Variants in CSMD1 observed in about 807,000 individuals in gnomAD.
The protein encoded by CSMD1 is CUB and Sushi multiple domains 1, also known as CUB and sushi domain-containing protein 1.
CSMD1 carries 213 observed loss-of-function variants against 417.5 expected under a neutral mutation model. The ratio of observed to expected loss-of-function variants is 0.51; its 90% confidence interval spans 0.46 to 0.57. CSMD1 has a LOEUF of 0.57. Among genes scored for constraint, CSMD1 ranks in the 20% least tolerant of loss-of-function variants. CSMD1 has a pLI of 0.00. For synonymous variants in CSMD1, 2,862 were observed against 1,736.8 expected (o/e 1.65, Z -16.11); for missense variants, 6,923 against 4,529.7 (o/e 1.53, Z -15.17).
intron 1 of CSMD1, among the ~76,000 whole-genome samples, chr8:4,891,399 G>A (rs1804113513): frequency 1.3e-5 from 2 of 152,200 alleles, no homozygotes; most frequent in Middle Eastern, 3.4e-3. Flanking sequence ...TGATCAGGTT[G>A]GTACATTGAG....
At chr8:4,154,988 A>C (rs1363487929) in intron 3 of CSMD1, among the ~76,000 whole-genome samples, 2 of 152,222 alleles carry the variant, frequency 1.3e-5, no homozygotes, top group Admixed American at 1.3e-4. Flanking sequence ...GCTACTCCAG[A>C]AACACGACTG....
At chr8:4,079,692 T>A (rs1302124473) in intron 3 of CSMD1, among the ~76,000 whole-genome samples, 1 of 152,366 alleles carries the variant, frequency 6.6e-6, no homozygotes. Flanking sequence ...ATTCCTGTAG[T>A]AAACTTGCTT....
chr8:4,182,085 C>G (rs1359348115), intron 3 of CSMD1, among the ~76,000 whole-genome samples: 1 of 150,826 alleles, frequency 6.6e-6, no homozygotes, highest in Non-Finnish European at 1.5e-5. Context: ...GTATTTAAAC[C>G]TACCTGAATA....
chr8:4,265,263 T>C lies in CSMD1; in HGVS notation c.415+154690A>G, dbSNP rs530261932. Among the ~76,000 whole-genome samples the C allele has an allele frequency of 1.6e-4, 25 of 152,210 alleles. No homozygotes were observed. The South Asian group carries it at 1.7e-3, about 10-fold the overall frequency. The stretch of plus-strand genomic sequence containing the variant: ...ATATTTTATGCTATATTTTATGGAA[T>C]AGCAAACAAGGATAATTACTAAAAA... On this transcript the variant is annotated intron_variant, in intron 3 of 69. Coordinates refer to ENST00000635120, the MANE Select transcript of CSMD1 (RefSeq NM_033225.6).
At chr8:3,830,418 G>C (rs1026571286) in intron 5 of CSMD1, among the ~76,000 whole-genome samples, 9 of 152,160 alleles carry the variant, frequency 5.9e-5, no homozygotes, top group African/African-American at 2.2e-4. Context: ...TGATACCCAG[G>C]TTCTAATTAT....
At chr8:4,001,567 T>C (rs533590085) in intron 4 of CSMD1, among the ~76,000 whole-genome samples, 41 of 152,332 alleles carry the variant, frequency 2.7e-4, no homozygotes, top group Middle Eastern at 3.4e-3. Context: ...TTTCCTTCTA[T>C]TTAAAATGCC....
At chr8:4,171,426 T>C (rs1229092068) in intron 3 of CSMD1, among the ~76,000 whole-genome samples, 2 of 152,074 alleles carry the variant, frequency 1.3e-5, no homozygotes, top group African/African-American at 4.8e-5. Context: ...TACTTTGTAA[T>C]ACAATCAATT....
intron 1 of CSMD1, among the ~76,000 whole-genome samples, chr8:4,695,377 G>T (rs995235183): frequency 6.6e-6 from 1 of 152,160 alleles, no homozygotes; most frequent in African/African-American, 2.4e-5. Flanking sequence ...GTTCACATGT[G>T]TTATTTACAC....
chr8:4,830,187 G>C (rs960375400), intron 1 of CSMD1, among the ~76,000 whole-genome samples: 1 of 152,114 alleles, frequency 6.6e-6, no homozygotes, highest in African/African-American at 2.4e-5. Flanking sequence ...TACAGCAATG[G>C]GATTGTGAAA....
intron 4 of CSMD1, among the ~76,000 whole-genome samples, chr8:4,031,173 C>G (rs574522320): frequency 2.0e-5 from 3 of 152,186 alleles, no homozygotes; most frequent in Non-Finnish European, 4.4e-5. Context: ...GCTTCCACAT[C>G]TTTTGGTATC....
intron 11 of CSMD1, among the ~76,000 whole-genome samples, chr8:3,486,845 C>T (rs1459081809): frequency 1.3e-5 from 2 of 152,192 alleles, no homozygotes; most frequent in Non-Finnish European, 2.9e-5. Context: ...GTTTGTTTAT[C>T]CCCCTACCAA....
At chr8:4,654,993 T>C (rs1042965393) in intron 1 of CSMD1, among the ~76,000 whole-genome samples, 7 of 151,566 alleles carry the variant, frequency 4.6e-5, no homozygotes, top group Non-Finnish European at 8.8e-5. Context: ...TAACTAACCA[T>C]TGTTTGAAAA....
chr8:3,591,698 G>C (rs1800853320), intron 8 of CSMD1, among the ~76,000 whole-genome samples: 4 of 152,056 alleles, frequency 2.6e-5, no homozygotes, highest in Admixed American at 2.0e-4. Context: ...ATAGATGATT[G>C]ATAGATAGAT....
intron 1 of CSMD1, among the ~76,000 whole-genome samples, chr8:4,832,875 C>G (rs1011877580): frequency 6.6e-6 from 1 of 152,094 alleles, no homozygotes; most frequent in Admixed American, 6.5e-5. Flanking sequence ...ATGAGAACTG[C>G]TAGATAACAG....
intron 5 of CSMD1, among the ~76,000 whole-genome samples, chr8:3,866,266 A>C (rs1447780146): frequency 6.6e-6 from 1 of 152,224 alleles, no homozygotes; most frequent in African/African-American, 2.4e-5. Flanking sequence ...TTACCTATAA[A>C]CAACATTTTT....
intron 3 of CSMD1, among the ~76,000 whole-genome samples, chr8:4,150,216 G>T (rs2131050831): frequency 6.6e-6 from 1 of 152,244 alleles, no homozygotes; most frequent in African/African-American, 2.4e-5. Context: ...TCGGCCCCAG[G>T]AAAACAGGGC....
At chr8:3,760,552 A>G (rs1307652400) in intron 5 of CSMD1, among the ~76,000 whole-genome samples, 1 of 152,226 alleles carries the variant, frequency 6.6e-6, no homozygotes, top group African/African-American at 2.4e-5. Context: ...CCGATGGGAT[A>G]TAAGGGCTGA....
chr8:4,411,742 C>G (rs916021050), intron 3 of CSMD1, among the ~76,000 whole-genome samples: 1 of 152,124 alleles, frequency 6.6e-6, no homozygotes, highest in Non-Finnish European at 1.5e-5. Context: ...TACATATAGA[C>G]GTTCACATAC....
At chr8:3,297,947 G>A (rs1466310599) in intron 25 of CSMD1, among the ~76,000 whole-genome samples, 1 of 152,088 alleles carries the variant, frequency 6.6e-6, no homozygotes, top group Non-Finnish European at 1.5e-5. Flanking sequence ...GGCTTCAACT[G>A]GCAATTAGTA....
Sources: allele counts gnomAD v4.1 joint callset (sites outside exome capture counted in the v4.1 genomes callset), GRCh38; gene constraint gnomAD v4.1.1; transcripts MANE v1.5; gene names NCBI Gene and HGNC (gene_info 2026-07-23, HGNC 2026-07-21).